Variants in PLD3 observed in about 807,000 individuals in gnomAD.
PLD3 encodes the protein 5'-3' exonuclease PLD3.
PLD3 carries 31 observed loss-of-function variants against 58.4 expected under a neutral mutation model. That is an observed-to-expected ratio of 0.53 (90% CI 0.40 to 0.72). PLD3 has a LOEUF of 0.72. Among genes scored for constraint, PLD3 ranks in the 30% least tolerant of loss-of-function variants. The pLI is 0.00. For synonymous variants in PLD3, 264 were observed against 273.4 expected (o/e 0.97, Z 0.34); for missense variants, 595 against 659.8 (o/e 0.90, Z 1.08).
chr19:40,377,417 TC>T, intron 11 of PLD3, among the ~76,000 whole-genome samples: 1 of 29,910 alleles, frequency 3.3e-5, no homozygotes, highest in Non-Finnish European at 7.0e-5. Flanking sequence ...GGCAGAGGGG[TC>T]AGGGCCAGGG....
Position 40,366,860 on chromosome 19 carries a change from G to A in PLD3, c.190G>A (p.Asp64Asn), listed in dbSNP as rs767787539. 7 of 1,613,838 alleles carry A rather than the reference G, an allele frequency of 4.3e-6. No individual in the cohort carries two copies. The Admixed American group carries it at 6.7e-5, about 15-fold the overall frequency. ...MTQLFLWEYG[D>N]LHLFGPNQRP... Reference sequence around the variant, plus strand: ...TCAGCTGTTTCTATGGGAATACGGCGACTTGCATCTCTTTGGGCCCAACCA... The same window carrying A: ...TCAGCTGTTTCTATGGGAATACGGCAACTTGCATCTCTTTGGGCCCAACCA... The change falls in exon 5 of 13, where the codon GAC (aspartate) becomes AAC (asparagine). Residue 64 changes from aspartate (D) to asparagine (N), a missense_variant. Asp to Asn is a conservative substitution (Grantham distance 23). Coordinates refer to ENST00000409735, the MANE Select transcript of PLD3 (RefSeq NM_012268.4).
At chr19:40,363,342 A>AGAC (rs2078833450) in intron 1 of PLD3, among the ~76,000 whole-genome samples, 1 of 144,182 alleles carries the variant, frequency 6.9e-6, no homozygotes, top group African/African-American at 2.7e-5. Flanking sequence ...TCTAAGACTG[A>AGAC]TGTTATCTTC....
Position 40,374,486 on chromosome 19 carries a change from G to C in PLD3, c.885G>C (p.Ala295=). ...GTPALAYLAS[A]PPPLCPSGRT... is the part of the protein sequence containing the mutation. ...AACTGTCCCCTCGCCCTCAGAGTGC[G>C]CCCCCACCCCTGTGTCCAAGTGGCC... Residue 295 remains alanine, a synonymous_variant, in exon 10 of 13, where the codon GCG becomes GCC. Transcript: ENST00000409735. The C allele has an allele frequency of 1.2e-6, 2 of 1,614,050 alleles. No homozygotes were observed. Among genetic ancestry groups the C allele is most frequent in the Non-Finnish European group, 1.7e-6 (2 of 1,180,004 alleles).
chr19:40,376,513 G>A, intron 10 of PLD3, 96 bp from the exon 11 acceptor site: 1 of 1,237,770 alleles, frequency 8.1e-7, no homozygotes, highest in Non-Finnish European at 1.1e-6. Flanking sequence ...AATAGCTAAA[G>A]CAGGGCCCAG....
At chr19:40,373,724 C>T (rs904521484) in intron 9 of PLD3, among the ~76,000 whole-genome samples, 2 of 151,842 alleles carry the variant, frequency 1.3e-5, no homozygotes, top group African/African-American at 2.4e-5. Context: ...CAGTGGCTCA[C>T]GCCTGTAATC....
intron 10 of PLD3, among the ~76,000 whole-genome samples, chr19:40,375,666 AAAG>A (rs2079178810): frequency 6.6e-6 from 1 of 150,620 alleles, no homozygotes; most frequent in Non-Finnish European, 1.5e-5. Context: ...AAAAAAAAGA[AAAG>A]AAAAAAAAAA....
At chr19:40,351,727 C>T (rs1195991620) in intron 1 of PLD3, among the ~76,000 whole-genome samples, 3 of 152,086 alleles carry the variant, frequency 2.0e-5, no homozygotes, top group Non-Finnish European at 4.4e-5. Flanking sequence ...TGGGGCACAT[C>T]GTGGAAGGCC....
At chr19:40,377,755 A>ACACTCCTTCCCATCCTCCCCT in intron 11 of PLD3, 31 bp from the exon 12 acceptor site, 1 of 1,560,510 alleles carries the variant, frequency 6.4e-7, no homozygotes, top group East Asian at 2.2e-5. Context: ...CCTGCCTCTC[A>ACACTCCTTCCCATCCTCCCCT]CACTCCTTCC....
In PLD3 at chr19:40,355,439, A is replaced by G. The variant is rs182529281; in HGVS notation, c.-279+6671A>G. Among the ~76,000 whole-genome samples, 329 of 151,442 alleles carry G rather than the reference A, an allele frequency of 2.2e-3. 1 individual carries two copies. The highest frequency in any genetic ancestry group is 7.5e-3 in the African/African-American group (309 of 41,236). On this transcript the variant is annotated intron_variant, in intron 1 of 12. Coordinates refer to ENST00000409735, the MANE Select transcript of PLD3 (RefSeq NM_012268.4). ...GTGATTCTCCTGCCTCACCCTCCCA[A>G]GTAGCTGGGACTACAGGCACGCGCC...
intron 1 of PLD3, among the ~76,000 whole-genome samples, chr19:40,353,566 T>G (rs7260621): frequency 0.98 from 149,448 of 152,192 alleles, 73,381 homozygotes; most frequent in East Asian, 1. Context: ...TTATTATTTT[T>G]CTTTTCTTTT....
intron 6 of PLD3, among the ~76,000 whole-genome samples, chr19:40,368,422 G>T (rs192482671): frequency 6.6e-6 from 1 of 152,282 alleles, no homozygotes; most frequent in Non-Finnish European, 1.5e-5. Context: ...TCCTGGTATG[G>T]TCTGCAGACA....
chr19:40,367,580 T>G (rs1391177189), intron 5 of PLD3, 116 bp from the exon 6 acceptor site: 1 of 853,622 alleles, frequency 1.2e-6, no homozygotes, highest in Non-Finnish European at 1.8e-6. Context: ...AGACTCTGTC[T>G]CTAAAAAAAA....
chr19:40,368,827 A>G (rs2078993030), intron 6 of PLD3, among the ~76,000 whole-genome samples: 1 of 152,046 alleles, frequency 6.6e-6, no homozygotes, highest in African/African-American at 2.4e-5. Context: ...CAGGAGATGG[A>G]AGGAGGAGGA....
At chr19:40,368,946 T>G (rs538214329) in intron 6 of PLD3, among the ~76,000 whole-genome samples, 39 of 150,154 alleles carry the variant, frequency 2.6e-4, no homozygotes, top group Admixed American at 1.3e-3. Context: ...AAAGAAAAAG[T>G]AATAATAATA....
intron 1 of PLD3, among the ~76,000 whole-genome samples, chr19:40,351,242 AC>A (rs56051882): frequency 0.36 from 53,763 of 149,514 alleles, 11,385 homozygotes; most frequent in South Asian, 0.61. Context: ...AAACAAAAAA[AC>A]AAAACAAAAC....
chr19:40,349,945 C>A (rs1289586110), intron 1 of PLD3, among the ~76,000 whole-genome samples: 1 of 146,998 alleles, frequency 6.8e-6, no homozygotes, highest in African/African-American at 2.5e-5. Context: ...GCAACAAGAG[C>A]GAGACTCCGT....
At chr19:40,377,940 G>A (rs1295661401) in intron 12 of PLD3, 46 bp from the exon 13 acceptor site, 5 of 1,612,190 alleles carry the variant, frequency 3.1e-6, no homozygotes, top group Non-Finnish European at 3.4e-6. Context: ...AGACACCAGG[G>A]GCGGCCCCCC....
intron 1 of PLD3, among the ~76,000 whole-genome samples, chr19:40,349,757 G>A (rs757138583): frequency 2.0e-5 from 3 of 151,614 alleles, no homozygotes; most frequent in Admixed American, 6.6e-5. Context: ...TCGGGAGTTC[G>A]AGACCAGCCT....
At chr19:40,369,244 A>G (rs995263624) in intron 6 of PLD3, among the ~76,000 whole-genome samples, 2 of 152,260 alleles carry the variant, frequency 1.3e-5, no homozygotes, top group Middle Eastern at 3.4e-3. Flanking sequence ...ATCCTGCTCC[A>G]TAGCTGGATG....
Sources: allele counts gnomAD v4.1 joint callset (sites outside exome capture counted in the v4.1 genomes callset), GRCh38; gene constraint gnomAD v4.1.1; transcripts MANE v1.5; gene names NCBI Gene and HGNC (gene_info 2026-07-23, HGNC 2026-07-21).